RADIL: variants seen among roughly 807,000 people sequenced by gnomAD.
RADIL encodes Rap associating with DIL domain.
A neutral mutation model predicts 97.6 loss-of-function variants in RADIL; 99 were observed. That is an observed-to-expected ratio of 1.01 (90% CI 0.86 to 1.20). The LOEUF (loss-of-function observed/expected upper bound fraction) is 1.20. RADIL is among the 50% of genes most tolerant of loss of function. RADIL has a pLI of 0.00. For missense variants in RADIL, 1,765 were observed against 1,498.9 expected (o/e 1.18, Z -2.93); for synonymous variants, 803 against 691.8 (o/e 1.16, Z -2.52).
chr7:4,862,814 T>C (rs894957298), intron 2 of RADIL, among the ~76,000 whole-genome samples: 2 of 151,928 alleles, frequency 1.3e-5, no homozygotes, highest in Non-Finnish European at 2.9e-5. Context: ...GGAGAATTGC[T>C]TGAACCTGAG....
chr7:4,808,306 C>G (rs933450507), intron 9 of RADIL, among the ~76,000 whole-genome samples: 3 of 151,616 alleles, frequency 2.0e-5, no homozygotes, highest in African/African-American at 7.3e-5. Flanking sequence ...TCTGCTTCCA[C>G]AGTTTTATTT....
chr7:4,871,308 T>C (rs1390552122), intron 2 of RADIL, among the ~76,000 whole-genome samples: 1 of 152,166 alleles, frequency 6.6e-6, no homozygotes, highest in African/African-American at 2.4e-5. Flanking sequence ...AGAAAAATAT[T>C]TCAAATGAAA....
In RADIL at chr7:4,878,236, C is replaced by A; in HGVS notation, c.-64-33G>T. 1 of 1,301,714 alleles carries A rather than the reference C, an allele frequency of 7.7e-7. No individual in the cohort carries two copies. The highest frequency in any genetic ancestry group is 1.5e-5 in the South Asian group (1 of 64,998). The allele number at this position is 1,301,714 out of a possible 1,614,324, so 80.6% of individuals were successfully genotyped here. A position where few individuals can be genotyped will look rare whatever the true frequency, so the allele number is the denominator to read the frequency against. On this transcript the variant is annotated intron_variant, in intron 1 of 14. Coordinates refer to ENST00000399583, the MANE Select transcript of RADIL (RefSeq NM_018059.5). This position sits in a 1 kb window ranked among gnomAD's most constrained non-coding sequence, Gnocchi z 4.1. ...AAAAAGTGAGAGAGGTTAGCGCCAACCATCGTGACCACCAAGAGCAAATGA... is the reference window on the plus strand; with the variant it reads ...AAAAAGTGAGAGAGGTTAGCGCCAAACATCGTGACCACCAAGAGCAAATGA...
In RADIL at chr7:4,808,512, G is replaced by A. The variant is rs761866009; in HGVS notation, c.2140-2796C>T. Reference sequence around the variant, plus strand: ...CCCCCAAGCTAGAAATGGTTTTCACGTTTTTAAAGGGTTTGAGAAAAACAA... The same window carrying A: ...CCCCCAAGCTAGAAATGGTTTTCACATTTTTAAAGGGTTTGAGAAAAACAA... On this transcript the variant is annotated intron_variant, in intron 9 of 14. Transcript: ENST00000399583. The A allele has an allele frequency of 5.1e-5, 47 of 930,548 alleles. No homozygotes were observed. The Middle Eastern group carries it at 2.2e-3, about 43-fold the overall frequency. The allele number at this position is 930,548 out of a possible 1,614,324, so 57.6% of individuals were successfully genotyped here. A position where few individuals can be genotyped will look rare whatever the true frequency, so the allele number is the denominator to read the frequency against.
chr7:4,827,578 G>A (rs543850354), intron 5 of RADIL, among the ~76,000 whole-genome samples: 15 of 151,878 alleles, frequency 9.9e-5, no homozygotes, highest in East Asian at 7.7e-4. Flanking sequence ...GGAGAATGGC[G>A]TGAACCCAGG....
At chr7:4,859,911 AT>A in intron 2 of RADIL, 1 of 1,608,000 alleles carries the variant, frequency 6.2e-7, no homozygotes. Flanking sequence ...AGGATTAGAT[AT>A]GTTTGTTGCT....
rs773366003 is a variant in RADIL, at chr7:4,799,340, C to T, written c.*38G>A. The T allele has an allele frequency of 8.1e-6, 13 of 1,599,862 alleles. No individual in the cohort carries two copies. In the South Asian group the frequency reaches 1.4e-4, roughly 18 times the overall value. The stretch of plus-strand genomic sequence containing the variant: ...GGAAGCCCAGTGTCACCAGGTGGGA[C>T]CGGGTGCCGGGCCTGTGGGGGTGTC... On this transcript the variant is annotated 3_prime_UTR_variant, in exon 15 of 15. Transcript: ENST00000399583.
intron 2 of RADIL, chr7:4,860,139 G>A: frequency 6.2e-7 from 1 of 1,613,946 alleles, no homozygotes; most frequent in African/African-American, 1.3e-5. Flanking sequence ...GCCAAGGCAG[G>A]ACTGTTTCTA....
intron 2 of RADIL, among the ~76,000 whole-genome samples, chr7:4,864,044 T>C (rs1784080598): frequency 6.6e-6 from 1 of 152,222 alleles, no homozygotes; most frequent in Non-Finnish European, 1.5e-5. Flanking sequence ...TCCAGGCACT[T>C]TACATAGAAA....
In RADIL at chr7:4,800,221, C is replaced by T; in HGVS notation, c.2932G>A (p.Glu978Lys). 1 of 1,606,270 alleles carries T rather than the reference C, an allele frequency of 6.2e-7. No homozygotes were observed. Among genetic ancestry groups the T allele is most frequent in the Non-Finnish European group, 8.5e-7 (1 of 1,177,370 alleles). Residue 978 changes from glutamate (E) to lysine (K), a missense_variant, in exon 13 of 15, where the codon GAG becomes AAG. By Grantham distance (56) the Glu-to-Lys change is moderately conservative. Transcript: ENST00000399583. ...AGCCCGGAGGGGCCTCGTTCCAGCT[C>T]CACCGTGAAGACGTAGCAGAAGTCC... ...TEDFCYVFTV[E>K]LERGPSGLGM...
At chr7:4,809,447 A>T in intron 9 of RADIL, 2 of 985,358 alleles carry the variant, frequency 2.0e-6, no homozygotes, top group Non-Finnish European at 1.2e-6. Context: ...CACATCTGAC[A>T]CGCACAAGCC....
rs1463703377 is a variant in RADIL at position 4,881,265 on chromosome 7, AT to A, written c.-65+2330del. 2.7e-5 allele frequency among the ~76,000 whole-genome samples: 4 copies of A among 149,556 alleles called. No individual in the cohort carries two copies. In the East Asian group the frequency reaches 7.9e-4, roughly 29 times the overall value. On this transcript the variant is annotated intron_variant, in intron 1 of 14. Transcript: ENST00000399583. ...CCTTTTTCTACTAAAAATACAAAAA[AT>A]TAGCCAGGCGTGGTGGTGGGCACCT...
chr7:4,821,011 T>TGCAGCC lies in RADIL; in HGVS notation c.1615+1377_1615+1382dup, dbSNP rs1240012914. ...CTTGTGTCCTCCGGGCTGTCTCAGA[T>TGCAGCC]GCAGCCACAGCCACAGCCCCCTCCC... On this transcript the variant is annotated intron_variant, in intron 6 of 14. Coordinates refer to ENST00000399583, the MANE Select transcript of RADIL (RefSeq NM_018059.5). The surrounding 1 kb of genome is among the most constrained non-coding windows in gnomAD (Gnocchi z 5.2). Among the ~76,000 whole-genome samples, 9 of 152,298 alleles carry TGCAGCC rather than the reference T, an allele frequency of 5.9e-5. No homozygotes were observed. The East Asian group carries it at 1.7e-3, about 29-fold the overall frequency.
intron 5 of RADIL, among the ~76,000 whole-genome samples, chr7:4,823,133 G>C (rs544160895): frequency 6.6e-6 from 1 of 152,084 alleles, no homozygotes; most frequent in East Asian, 1.9e-4. Context: ...CAAAGCATGA[G>C]ATTTGAAGAC....
rs1204313448 is a variant in RADIL at position 4,822,558 on chromosome 7, C to T, written c.1455-4G>A. 1 of 1,612,276 alleles carries T rather than the reference C, an allele frequency of 6.2e-7. No homozygotes were observed. ...GGCCAGCGAGATGGGCTCCTGGCTACCAAGACAGAAAGACTAAGAGTTACG... is the reference window on the plus strand; with the variant it reads ...GGCCAGCGAGATGGGCTCCTGGCTATCAAGACAGAAAGACTAAGAGTTACG... On this transcript the variant is annotated splice_polypyrimidine_tract_variant and splice_region_variant and intron_variant, in intron 5 of 14. Coordinates refer to ENST00000399583, the MANE Select transcript of RADIL (RefSeq NM_018059.5). The surrounding 1 kb of genome is among the most constrained non-coding windows in gnomAD (Gnocchi z 5.3).
At chr7:4,874,104 G>A (rs986567557) in intron 2 of RADIL, among the ~76,000 whole-genome samples, 7 of 152,218 alleles carry the variant, frequency 4.6e-5, no homozygotes, top group Admixed American at 3.9e-4. Context: ...TCTCAGAGGC[G>A]GGTTCCAGGG....
At chr7:4,852,898 G>C (rs1306462430) in intron 2 of RADIL, among the ~76,000 whole-genome samples, 4 of 152,176 alleles carry the variant, frequency 2.6e-5, no homozygotes, top group African/African-American at 9.7e-5. Flanking sequence ...TCCCACCCTT[G>C]CAAGTTGGGA....
At chr7:4,865,608 T>C in intron 2 of RADIL, 1 of 812,494 alleles carries the variant, frequency 1.2e-6, no homozygotes, top group South Asian at 1.3e-5. Flanking sequence ...TTGCTCTTGC[T>C]CCTTTCGATG....
chr7:4,811,424 A>G (rs1280896823), intron 9 of RADIL: 1 of 145,116 alleles, frequency 6.9e-6, no homozygotes, highest in Admixed American at 6.9e-5. Context: ...AAAGTGAGGT[A>G]GGGTTTCCTC....
Sources: allele counts gnomAD v4.1 joint callset (sites outside exome capture counted in the v4.1 genomes callset), GRCh38; gene constraint gnomAD v4.1.1; non-coding constraint Gnocchi (gnomAD v3.1); transcripts MANE v1.5; gene names NCBI Gene and HGNC (gene_info 2026-07-23, HGNC 2026-07-21).